Variants in MAN2A1 observed in about 807,000 individuals in gnomAD.
MAN2A1 encodes the protein alpha-mannosidase 2.
Under a neutral mutation model 142.6 loss-of-function variants are expected in MAN2A1, and 76 were observed. The ratio of observed to expected loss-of-function variants is 0.53; its 90% CI spans 0.44 to 0.65. MAN2A1 has a LOEUF of 0.65. Among genes scored for constraint, MAN2A1 ranks in the 30% least tolerant of loss-of-function variants. The pLI is 0.00. For synonymous variants in MAN2A1, 559 were observed against 473.2 expected (o/e 1.18, Z -2.35); for missense variants, 1,311 against 1,365.1 (o/e 0.96, Z 0.62).
intron 3 of MAN2A1, among the ~76,000 whole-genome samples, chr5:109,718,922 G>C (rs1316662527): frequency 2.0e-5 from 3 of 147,008 alleles, no homozygotes; most frequent in African/African-American, 5.1e-5. Flanking sequence ...TTATTCTTTG[G>C]CGTAGGCTTT....
chr5:109,857,480 C>G (rs1343427880), intron 20 of MAN2A1, among the ~76,000 whole-genome samples: 1 of 152,086 alleles, frequency 6.6e-6, no homozygotes. Flanking sequence ...CTGAAGAACC[C>G]AGAGGCTTCT....
chr5:109,867,655 C>A lies in MAN2A1; in HGVS notation c.*657C>A, dbSNP rs1755920249. ...AACAGTAGAAAAAGAGGCATATTTT[C>A]ATTACTTGACAATGTGGGATGGGTG... is the stretch of plus-strand genomic sequence containing the variant. On this transcript the variant is annotated 3_prime_UTR_variant, in exon 22 of 22. Transcript: ENST00000261483. 6.6e-6 allele frequency: 1 copy of A among 152,478 alleles called. No individual in the cohort carries two copies. Among genetic ancestry groups the A allele is most frequent in the Admixed American group, 6.6e-5 (1 of 15,252 alleles). The allele number at this position is 152,478 out of a possible 1,614,324, so 9.4% of individuals were successfully genotyped here.
intron 4 of MAN2A1, among the ~76,000 whole-genome samples, chr5:109,749,703 G>C (rs1302312686): frequency 6.6e-6 from 1 of 151,802 alleles, no homozygotes; most frequent in East Asian, 1.9e-4. Context: ...TAGACCCTGT[G>C]GTGTGGGCAC....
chr5:109,707,613 T>A (rs1178264672), intron 1 of MAN2A1, among the ~76,000 whole-genome samples: 1 of 152,162 alleles, frequency 6.6e-6, no homozygotes, highest in Non-Finnish European at 1.5e-5. Flanking sequence ...TGAGGAGGCC[T>A]GTTTTAGACT....
At chr5:109,834,106 C>A (rs1198454547) in intron 16 of MAN2A1, among the ~76,000 whole-genome samples, 1 of 151,926 alleles carries the variant, frequency 6.6e-6, no homozygotes, top group Non-Finnish European at 1.5e-5. Context: ...TCTTTTCCTG[C>A]CTAAAGGTGC....
intron 8 of MAN2A1, among the ~76,000 whole-genome samples, chr5:109,780,061 T>G (rs1753412558): frequency 6.6e-6 from 1 of 152,114 alleles, no homozygotes; most frequent in Non-Finnish European, 1.5e-5. Context: ...TGTAAGTTTT[T>G]TTTTGTTTGT....
chr5:109,752,054 A>G (rs957712573), intron 4 of MAN2A1, among the ~76,000 whole-genome samples: 1 of 152,134 alleles, frequency 6.6e-6, no homozygotes, highest in Non-Finnish European at 1.5e-5. Context: ...ACGCAATTGC[A>G]CTGTTTGTGT....
intron 16 of MAN2A1, among the ~76,000 whole-genome samples, chr5:109,825,806 A>G (rs1754740163): frequency 6.6e-6 from 1 of 151,946 alleles, no homozygotes; most frequent in African/African-American, 2.4e-5. Context: ...TGGCCTTCCA[A>G]AGGGGCTCTC....
chr5:109,793,744 A>G (rs1362098221), intron 12 of MAN2A1, among the ~76,000 whole-genome samples: 1 of 152,220 alleles, frequency 6.6e-6, no homozygotes, highest in Non-Finnish European at 1.5e-5. Context: ...TACAGAGTTA[A>G]CTTCGTTAAG....
At chr5:109,857,882 G>A (rs1755663730) in intron 20 of MAN2A1, among the ~76,000 whole-genome samples, 1 of 152,110 alleles carries the variant, frequency 6.6e-6, no homozygotes, top group South Asian at 2.1e-4. Flanking sequence ...CTACCTGTGG[G>A]CTGAGTGACT....
intron 12 of MAN2A1, among the ~76,000 whole-genome samples, chr5:109,796,303 A>AG (rs1286154201): frequency 6.6e-6 from 1 of 152,218 alleles, no homozygotes; most frequent in Non-Finnish European, 1.5e-5. Flanking sequence ...TTGGTTATGC[A>AG]GAAAATATGA....
intron 12 of MAN2A1, among the ~76,000 whole-genome samples, chr5:109,809,670 C>T (rs972999653): frequency 6.6e-6 from 1 of 152,084 alleles, no homozygotes; most frequent in Non-Finnish European, 1.5e-5. Flanking sequence ...GGCTGCTTCT[C>T]AGATTTTGCC....
chr5:109,791,287 G>T (rs951119682), intron 12 of MAN2A1, among the ~76,000 whole-genome samples: 4 of 151,828 alleles, frequency 2.6e-5, no homozygotes, highest in African/African-American at 9.7e-5. Context: ...CATTTTATAG[G>T]TTAGGGCTTC....
intron 4 of MAN2A1, among the ~76,000 whole-genome samples, chr5:109,753,276 C>T (rs1440820827): frequency 6.6e-6 from 1 of 152,182 alleles, no homozygotes; most frequent in Admixed American, 6.5e-5. Context: ...GTGGCTAAAT[C>T]AGGCAATCAC....
Position 109,866,848 on chromosome 5 carries a change from A to G in MAN2A1, c.3285A>G (p.Ile1095Met). 6.3e-7 allele frequency: 1 copy of G among 1,596,258 alleles called. No homozygotes were observed. The highest frequency in any genetic ancestry group is 8.6e-7 in the Non-Finnish European group (1 of 1,168,782). The change falls in exon 22 of 22, where the codon ATA becomes ATG. Residue 1095 changes from isoleucine to methionine, a missense_variant and splice_region_variant. By Grantham distance (10) the Ile-to-Met change is conservative. Around this residue, in one of 3 missense-constraint regions of MAN2A1, gnomAD observed 890 missense variants for 920.5 expected, o/e 0.97. Transcript: ENST00000261483. The stretch of plus-strand genomic sequence containing the variant: ...AAATTTTATCATTTACTTTTCAGAT[A>G]TTGGTACAGAAACTTTTAAACAAGT... ...GLFCSTTQGK[I>M]LVQKLLNKFI...
At chr5:109,725,075 G>A (rs958557875) in intron 3 of MAN2A1, among the ~76,000 whole-genome samples, 1 of 152,130 alleles carries the variant, frequency 6.6e-6, no homozygotes. Flanking sequence ...TGGTATGTGT[G>A]CTCAGGCCTG....
At chr5:109,705,446 G>A (rs537088435) in intron 1 of MAN2A1, among the ~76,000 whole-genome samples, 1 of 152,126 alleles carries the variant, frequency 6.6e-6, no homozygotes, top group Non-Finnish European at 1.5e-5. Flanking sequence ...GCCCCTGGAA[G>A]ACAGTTTATG....
chr5:109,737,178 C>G (rs927141567), intron 4 of MAN2A1, among the ~76,000 whole-genome samples: 2 of 148,432 alleles, frequency 1.3e-5, no homozygotes, highest in African/African-American at 2.5e-5. Context: ...ACTGCAACCT[C>G]TGCCTCCCAG....
At chr5:109,736,511 G>C (rs2416218) in intron 4 of MAN2A1, among the ~76,000 whole-genome samples, 46,123 of 151,338 alleles carry the variant, frequency 0.3, 7,396 homozygotes, top group East Asian at 0.64. Context: ...GGCAAGACCG[G>C]AACTCTAAAA....
Sources: gnomAD v4.1 joint callset for allele counts (sites outside exome capture counted in the v4.1 genomes callset) on GRCh38, gnomAD v4.1.1 for gene constraint, gnomAD v4.1.1 regional missense constraint, MANE v1.5 for transcripts, NCBI Gene and HGNC (gene_info 2026-07-23, HGNC 2026-07-21) for gene names.